LDLRAD4: variants seen among roughly 807,000 people sequenced by gnomAD.
LDLRAD4 encodes low-density lipoprotein receptor class A domain-containing protein 4.
A neutral mutation model predicts 17.0 loss-of-function variants in LDLRAD4; 5 were observed. The ratio of observed to expected loss-of-function variants is 0.29; its 90% CI spans 0.15 to 0.62. LDLRAD4 has a LOEUF of 0.62. Among genes scored for constraint, LDLRAD4 ranks in the 20% least tolerant of loss-of-function variants. The pLI, the probability that LDLRAD4 is intolerant of heterozygous loss-of-function variation, is 0.84. For missense variants in LDLRAD4, 340 were observed against 424.7 expected, an observed-to-expected ratio of 0.80 and a Z score of 1.75; for synonymous variants, 168 against 171.8, an observed-to-expected ratio of 0.98 and a Z score of 0.17.
chr18:13,594,665 C>CAAAAAAAA (rs56035558), intron 3 of LDLRAD4, among the ~76,000 whole-genome samples: 2,417 of 29,512 alleles, frequency 0.082, 285 homozygotes, highest in Non-Finnish European at 0.14. Flanking sequence ...GATTCCATCT[C>CAAAAAAAA]AAAAAAAAAA....
At chr18:13,287,986 G>A (rs1333494141) in intron 1 of LDLRAD4, among the ~76,000 whole-genome samples, 4 of 152,148 alleles carry the variant, frequency 2.6e-5, no homozygotes, top group African/African-American at 7.2e-5. Flanking sequence ...TCATATAAAC[G>A]TAGAAGCCGT....
chr18:13,411,966 T>C (rs2088408917), intron 2 of LDLRAD4, among the ~76,000 whole-genome samples: 1 of 152,030 alleles, frequency 6.6e-6, no homozygotes, highest in South Asian at 2.1e-4. Flanking sequence ...CCCCAGCCTC[T>C]TGAGTAGCTG....
rs190194676 is a variant in LDLRAD4, at chr18:13,325,924, G to A, written c.-383+47736G>A. 2.5e-3 allele frequency among the ~76,000 whole-genome samples: 382 copies of A among 152,042 alleles called. 2 individuals are homozygous for A. Among genetic ancestry groups the A allele is most frequent in the African/African-American group, 6.2e-3 (258 of 41,482 alleles). ...CCCGCCACCGTGCCTGCCACCACGC[G>A]GAGCTAATTTTTTTTTGTTTTTTTA... On this transcript the variant is annotated intron_variant, in intron 1 of 5. Coordinates refer to ENST00000359446, the Ensembl canonical transcript of LDLRAD4.
chr18:13,424,529 C>T (rs184762036), intron 2 of LDLRAD4, among the ~76,000 whole-genome samples: 147 of 152,126 alleles, frequency 9.7e-4, no homozygotes, highest in African/African-American at 3.3e-3. Flanking sequence ...AAGATAATGA[C>T]GTGGGTGAGC....
intron 3 of LDLRAD4, among the ~76,000 whole-genome samples, chr18:13,566,648 G>A (rs988368301): frequency 2.0e-5 from 3 of 152,106 alleles, no homozygotes; most frequent in Admixed American, 2.0e-4. Flanking sequence ...GGCACGAGAC[G>A]CTGCGCCCAG....
chr18:13,628,387 C>T (rs776436303), intron 4 of LDLRAD4, among the ~76,000 whole-genome samples: 17 of 152,210 alleles, frequency 1.1e-4, no homozygotes, highest in Non-Finnish European at 1.9e-4. Flanking sequence ...GCACCACAGA[C>T]CAGATGTGTG....
chr18:13,585,054 T>C lies in LDLRAD4; in HGVS notation c.182-36063T>C, dbSNP rs530802834. On this transcript the variant is annotated intron_variant, in intron 3 of 5. Coordinates refer to ENST00000359446, the Ensembl canonical transcript of LDLRAD4. ...TGGCAGCCTTTCAGCAAAAGGCAAA[T>C]GCAGACGAGGCCTTTTCCCTGGCTG... Among the ~76,000 whole-genome samples, 119 of 152,328 alleles carry C rather than the reference T, an allele frequency of 7.8e-4. 1 individual carries two copies. The highest frequency in any genetic ancestry group is 2.8e-3 in the African/African-American group (115 of 41,584).
intron 2 of LDLRAD4, among the ~76,000 whole-genome samples, chr18:13,428,280 C>G (rs1430436505): frequency 6.6e-6 from 1 of 152,008 alleles, no homozygotes; most frequent in Non-Finnish European, 1.5e-5. Context: ...GTGATGTTTG[C>G]ACGAAGGCCT....
chr18:13,414,144 A>G (rs535804936), intron 2 of LDLRAD4, among the ~76,000 whole-genome samples: 1 of 152,340 alleles, frequency 6.6e-6, no homozygotes, highest in African/African-American at 2.4e-5. Flanking sequence ...CACAAATGAA[A>G]TCCAGAGATG....
chr18:13,424,893 G>A (rs9675913), intron 2 of LDLRAD4, among the ~76,000 whole-genome samples: 1 of 152,212 alleles, frequency 6.6e-6, no homozygotes. Context: ...CGAAGGGCAC[G>A]TATGCCTCGC....
At chr18:13,417,635 C>T (rs1229249883) in intron 2 of LDLRAD4, among the ~76,000 whole-genome samples, 3 of 152,074 alleles carry the variant, frequency 2.0e-5, no homozygotes, top group Non-Finnish European at 4.4e-5. Flanking sequence ...GGGGTTTCAC[C>T]GTGTTAGCCA....
chr18:13,481,850 TCTC>T (rs1368239171), intron 3 of LDLRAD4, among the ~76,000 whole-genome samples: 1 of 92,820 alleles, frequency 1.1e-5, no homozygotes, highest in Non-Finnish European at 2.3e-5. Context: ...TTAGAAAAGA[TCTC>T]CTGGAGGAAA....
intron 1 of LDLRAD4, among the ~76,000 whole-genome samples, chr18:13,262,457 G>A: frequency 7.5e-6 from 1 of 132,780 alleles, no homozygotes; most frequent in African/African-American, 3.0e-5. Flanking sequence ...GTCCCGTGCG[G>A]CTCTGTGCGT....
At chr18:13,360,113 C>T (rs1307439954) in intron 1 of LDLRAD4, among the ~76,000 whole-genome samples, 2 of 152,196 alleles carry the variant, frequency 1.3e-5, no homozygotes, top group Non-Finnish European at 2.9e-5. Context: ...AGTGAGTCTC[C>T]TGAGCGAGGG....
intron 3 of LDLRAD4, among the ~76,000 whole-genome samples, chr18:13,475,399 C>G (rs2092911325): frequency 6.6e-6 from 1 of 150,784 alleles, no homozygotes; most frequent in South Asian, 2.1e-4. Context: ...GTAGCTGGGA[C>G]TCTGGTGCTC....
intron 1 of LDLRAD4, among the ~76,000 whole-genome samples, chr18:13,268,793 C>T (rs1243682797): frequency 6.6e-6 from 1 of 152,188 alleles, no homozygotes; most frequent in Non-Finnish European, 1.5e-5. Flanking sequence ...TGGCTTATAA[C>T]AAGGCCATTG....
intron 3 of LDLRAD4, chr18:13,615,990 A>T (rs183477652): frequency 6.6e-6 from 1 of 152,320 alleles, no homozygotes; most frequent in Admixed American, 6.5e-5. Context: ...TAAGAATGCT[A>T]CTATTCCTGC....
Position 13,290,560 on chromosome 18 carries a change from T to TAAAA in LDLRAD4, c.-383+12381_-383+12384dup, listed in dbSNP as rs75826861. ...CTTTATTCTTCAGACAGGTATTCTTTAAAAAAAAAAAAGATCTGCGTTTGT... is the reference window on the plus strand; with the variant it reads ...CTTTATTCTTCAGACAGGTATTCTTTAAAAAAAAAAAAAAAAGATCTGCGTTTGT... On this transcript the variant is annotated intron_variant, in intron 1 of 5. Transcript: ENST00000359446. Among the ~76,000 whole-genome samples, 622 of 145,694 alleles carry TAAAA rather than the reference T, an allele frequency of 4.3e-3. 2 individuals carry two copies. Among genetic ancestry groups the TAAAA allele is most frequent in the African/African-American group, 0.015 (599 of 40,020 alleles).
rs74449158 is a variant in LDLRAD4, at chr18:13,412,563, T to C, written c.40+24801T>C. Among the ~76,000 whole-genome samples, 461 of 152,292 alleles carry C rather than the reference T, an allele frequency of 3.0e-3. 17 individuals carry two copies. In the East Asian group the frequency reaches 0.072, roughly 24 times the overall value. Reference sequence around the variant, plus strand: ...AAGTGCCTATTATGGACTAGGTACATGAGGAACTAGAGAGACAGCAGTGAA... The same window carrying C: ...AAGTGCCTATTATGGACTAGGTACACGAGGAACTAGAGAGACAGCAGTGAA... On this transcript the variant is annotated intron_variant, in intron 2 of 5. Coordinates refer to ENST00000359446, the Ensembl canonical transcript of LDLRAD4.
Sources: allele counts gnomAD v4.1 joint callset (sites outside exome capture counted in the v4.1 genomes callset), GRCh38; gene constraint gnomAD v4.1.1; transcripts MANE v1.5; gene names NCBI Gene and HGNC (gene_info 2026-07-23, HGNC 2026-07-21).